SNAP91: variants seen among roughly 807,000 people sequenced by gnomAD.
SNAP91 encodes synaptosome associated protein 91, also known as clathrin coat assembly protein AP180.
SNAP91 carries 27 observed loss-of-function variants against 100.3 expected under a neutral mutation model. The observed-to-expected ratio is 0.27, with a 90% CI of 0.20 to 0.37. The LOEUF (loss-of-function observed/expected upper bound fraction) is 0.37, where lower values mean the gene tolerates loss of function less well. SNAP91 is among the 10% of genes least tolerant of loss of function. The probability of loss-of-function intolerance (pLI) is 1.00; values close to 1 mark genes in which losing one functional copy is unlikely to be tolerated. For synonymous variants in SNAP91, 404 were observed against 398.6 expected, an observed-to-expected ratio of 1.01 and a Z score of -0.16; for missense variants, 986 against 1,123.7, an observed-to-expected ratio of 0.88 and a Z score of 1.75.
chr6:83,704,692 TA>T (rs3839438), intron 2 of SNAP91, among the ~76,000 whole-genome samples: 59 of 150,856 alleles, frequency 3.9e-4, no homozygotes, highest in African/African-American at 9.3e-4. Context: ...CCAATACCTT[TA>T]AAAAAAAATG....
intron 2 of SNAP91, among the ~76,000 whole-genome samples, chr6:83,669,169 T>C (rs1344202863): frequency 1.3e-5 from 2 of 152,092 alleles, no homozygotes; most frequent in Non-Finnish European, 2.9e-5. Context: ...CATGGCCATC[T>C]GTATACCTAG....
At position 83,580,570 on chromosome 6, in the gene SNAP91, G is replaced by C. The variant is rs1826677609; in HGVS notation, c.2179C>G (p.Pro727Ala). 6.2e-7 allele frequency: 1 copy of C among 1,612,750 alleles called. No individual in the cohort carries two copies. Among genetic ancestry groups the C allele is most frequent in the East Asian group, 2.2e-5 (1 of 44,866 alleles). Reference protein sequence around the residue: ...VFDGLGDLLMPTMAPAGQPAP... With the variant: ...VFDGLGDLLMATMAPAGQPAP... ...GGCTGCCCAGCTGGTGCCATGGTTG[G>C]CATCAAAAGATCACCTAGACCATCA... The change falls in exon 24 of 30, where the codon CCA becomes GCA. Residue 727 changes from proline to alanine, a missense_variant. Physicochemically the swap from Pro to Ala is conservative, Grantham distance 27. This residue lies in a region of SNAP91 where 575 missense variants were observed against 579.9 expected (regional missense o/e 0.99). Coordinates refer to ENST00000369694, the MANE Select transcript of SNAP91 (RefSeq NM_001242792.2).
chr6:83,566,539 T>C (rs528250519), intron 26 of SNAP91, among the ~76,000 whole-genome samples: 1 of 152,256 alleles, frequency 6.6e-6, no homozygotes, highest in East Asian at 1.9e-4. Context: ...AAAAGCAAAA[T>C]GAACCTGCAG....
intron 16 of SNAP91, among the ~76,000 whole-genome samples, chr6:83,595,700 G>A (rs2094395818): frequency 6.6e-6 from 1 of 152,084 alleles, no homozygotes; most frequent in South Asian, 2.1e-4. Context: ...CTGGAACACT[G>A]TTCCTTCAGT....
intron 22 of SNAP91, among the ~76,000 whole-genome samples, chr6:83,588,300 A>G (rs1487116041): frequency 6.6e-6 from 1 of 152,234 alleles, no homozygotes; most frequent in African/African-American, 2.4e-5. Flanking sequence ...AAAGAGAGAA[A>G]TAAGAAAGTG....
At chr6:83,685,042 C>G (rs2099042307) in intron 2 of SNAP91, among the ~76,000 whole-genome samples, 1 of 152,190 alleles carries the variant, frequency 6.6e-6, no homozygotes, top group Non-Finnish European at 1.5e-5. Flanking sequence ...CTTTATGGAT[C>G]TAAGTTCCTG....
At chr6:83,679,762 C>T (rs59500234) in intron 2 of SNAP91, among the ~76,000 whole-genome samples, 4,211 of 152,212 alleles carry the variant, frequency 0.028, 175 homozygotes, top group African/African-American at 0.094. Flanking sequence ...TCAAGTAGTT[C>T]AGCCCTAGGC....
At chr6:83,570,313 T>A (rs1017339643) in intron 26 of SNAP91, among the ~76,000 whole-genome samples, 1 of 152,138 alleles carries the variant, frequency 6.6e-6, no homozygotes, top group Non-Finnish European at 1.5e-5. Flanking sequence ...ATGGGTGCTG[T>A]TAAAGCCAAT....
intron 2 of SNAP91, among the ~76,000 whole-genome samples, chr6:83,692,698 C>G (rs1398329928): frequency 6.6e-6 from 1 of 152,130 alleles, no homozygotes; most frequent in Non-Finnish European, 1.5e-5. Context: ...CCTTCCACCA[C>G]CCCCAAGGTC....
chr6:83,632,561 C>T (rs1231729983), intron 8 of SNAP91, among the ~76,000 whole-genome samples: 5 of 152,176 alleles, frequency 3.3e-5, no homozygotes, highest in African/African-American at 9.6e-5. Context: ...AAATCCCAGA[C>T]TTCCTGGAGG....
At chr6:83,697,843 T>C (rs2099239928) in intron 2 of SNAP91, among the ~76,000 whole-genome samples, 1 of 152,042 alleles carries the variant, frequency 6.6e-6, no homozygotes, top group African/African-American at 2.4e-5. Flanking sequence ...TAAAAATCAT[T>C]CAATAAATAT....
At chr6:83,657,907 C>T (rs1184653511) in intron 6 of SNAP91, among the ~76,000 whole-genome samples, 1 of 149,094 alleles carries the variant, frequency 6.7e-6, no homozygotes, top group Non-Finnish European at 1.5e-5. Flanking sequence ...GCTAGGATTA[C>T]AGGCATGCAC....
At chr6:83,686,407 G>T (rs922717927) in intron 2 of SNAP91, among the ~76,000 whole-genome samples, 1 of 152,168 alleles carries the variant, frequency 6.6e-6, no homozygotes, top group Non-Finnish European at 1.5e-5. Flanking sequence ...AACAAATCAA[G>T]GGTAGAGTGT....
chr6:83,553,895 G>C lies in SNAP91; in HGVS notation c.*401C>G, dbSNP rs1217904519. ...GATACAGAAGAAAAGATAATTTATG[G>C]GAAGAGTTTGGGGTTTGTTCAAAAG... is the stretch of plus-strand genomic sequence containing the variant. On this transcript the variant is annotated 3_prime_UTR_variant, in exon 30 of 30. Transcript: ENST00000369694. 6.6e-6 allele frequency: 1 copy of C among 152,062 alleles called. No individual in the cohort carries two copies. Among genetic ancestry groups the C allele is most frequent in the East Asian group, 1.9e-4 (1 of 5,190 alleles). The allele number at this position is 152,062 out of a possible 1,614,324, so 9.4% of individuals were successfully genotyped here. A position where few individuals can be genotyped will look rare whatever the true frequency, so the allele number is the denominator to read the frequency against.
At chr6:83,569,959 T>C (rs1038470610) in intron 26 of SNAP91, among the ~76,000 whole-genome samples, 7 of 152,096 alleles carry the variant, frequency 4.6e-5, no homozygotes, top group Non-Finnish European at 1.0e-4. Context: ...TGATCAGCAG[T>C]GTGAAAACAA....
chr6:83,631,260 C>T (rs1415973714), intron 8 of SNAP91, among the ~76,000 whole-genome samples: 6 of 152,032 alleles, frequency 3.9e-5, no homozygotes, highest in African/African-American at 1.2e-4. Flanking sequence ...TGTGGCCTCT[C>T]ATATGGTCTA....
intron 2 of SNAP91, among the ~76,000 whole-genome samples, chr6:83,691,282 A>T (rs547333788): frequency 2.0e-5 from 3 of 152,278 alleles, no homozygotes; most frequent in African/African-American, 7.2e-5. Context: ...TGTAAAATTT[A>T]AAATGATTAA....
At chr6:83,594,130 A>C (rs1178550934) in intron 17 of SNAP91, among the ~76,000 whole-genome samples, 1 of 152,214 alleles carries the variant, frequency 6.6e-6, no homozygotes, top group Non-Finnish European at 1.5e-5. Flanking sequence ...CATTAGAAAA[A>C]AAAACATTAA....
Position 83,601,585 on chromosome 6 carries a change from C to T in SNAP91, c.1156G>A (p.Asp386Asn). 4 of 1,613,374 alleles carry T rather than the reference C, an allele frequency of 2.5e-6. No individual in the cohort carries two copies. The highest frequency in any genetic ancestry group is 3.4e-6 in the Non-Finnish European group (4 of 1,179,542). The change falls in exon 15 of 30, where the codon GAT (aspartate) becomes AAT (asparagine). Residue 386 changes from aspartate (D) to asparagine (N), a missense_variant and splice_region_variant. Asp to Asn is a conservative substitution (Grantham distance 23). Transcript: ENST00000369694. ...ATAWGDLLGE[D>N]SLAALSSVPS... Reference sequence around the variant, plus strand: ...AGTTTAAAAACAAAGCTTTACTCACCCTCTCCCAAAAGGTCTACCGATGTC... The same window carrying T: ...AGTTTAAAAACAAAGCTTTACTCACTCTCTCCCAAAAGGTCTACCGATGTC...
Sources: allele counts gnomAD v4.1 joint callset (sites outside exome capture counted in the v4.1 genomes callset), GRCh38; gene constraint gnomAD v4.1.1; regional missense constraint gnomAD v4.1.1; transcripts MANE v1.5; gene names NCBI Gene and HGNC (gene_info 2026-07-23, HGNC 2026-07-21).